Variants in FERMT3 observed in about 807,000 individuals in gnomAD.
FERMT3 encodes FERM domain containing kindlin 3.
FERMT3 carries 33 observed loss-of-function variants against 80.8 expected under a neutral mutation model. The ratio of observed to expected loss-of-function variants is 0.41; its 90% CI spans 0.31 to 0.55. The LOEUF (loss-of-function observed/expected upper bound fraction) is 0.55, where lower values mean the gene tolerates loss of function less well. Ranked by LOEUF, FERMT3 falls within the 20% of genes least tolerant of loss-of-function variation. The pLI is 0.31. For synonymous variants in FERMT3, 375 were observed against 372.2 expected (o/e 1.01, Z -0.09); for missense variants, 754 against 908.7 (o/e 0.83, Z 2.19).
chr11:64,216,339 G>A (rs1389971803), intron 6 of FERMT3, among the ~76,000 whole-genome samples: 1 of 150,912 alleles, frequency 6.6e-6, no homozygotes, highest in Non-Finnish European at 1.5e-5. Context: ...TGGGATTACA[G>A]GCATGCACCA....
intron 2 of FERMT3, among the ~76,000 whole-genome samples, chr11:64,208,652 G>T (rs1565288843): frequency 2.6e-5 from 4 of 152,236 alleles, no homozygotes; most frequent in African/African-American, 7.2e-5. Context: ...GGAGCCAGAG[G>T]AGGGGGCTGC....
At position 64,207,448 on chromosome 11, in the gene FERMT3, G is replaced by A. The variant is rs554032088; in HGVS notation, c.84G>A (p.Glu28=). ...TGTTTGTGGGAGAGGAGGACCCAGA[G>A]GCCGAGTCGGTCACCCTGCGGGTCA... ...LRVFVGEEDP[E]AESVTLRVTG... is the part of the protein sequence containing the mutation. The change falls in exon 2 of 15, where the codon GAG becomes GAA. Residue 28 remains glutamate (E), a synonymous_variant. Coordinates refer to ENST00000345728, the MANE Select transcript of FERMT3 (RefSeq NM_031471.6). 8 of 1,614,164 alleles carry A rather than the reference G, an allele frequency of 5.0e-6. No individual in the cohort carries two copies. The highest frequency in any genetic ancestry group is 2.7e-5 in the African/African-American group (2 of 75,060).
chr11:64,220,236 C>G lies in FERMT3; in HGVS notation c.1221C>G (p.Pro407=). Residue 407 remains proline (P), a synonymous_variant, in exon 11 of 15, where the codon CCC becomes CCG. Transcript: ENST00000345728. ...QLNLKGCEVV[P]DVNVSGQKFC... ...TCCCTCCAGGCTGTGAGGTGGTTCC[C>G]GATGTTAACGTCTCCGGCCAGAAGT... The G allele has an allele frequency of 6.2e-7, 1 of 1,613,912 alleles. No homozygotes were observed. The highest frequency in any genetic ancestry group is 8.5e-7 in the Non-Finnish European group (1 of 1,180,010).
In FERMT3 at chr11:64,210,997, A is replaced by G; in HGVS notation, c.395-55A>G. 7.5e-6 allele frequency: 12 copies of G among 1,608,490 alleles called. No individual in the cohort carries two copies. Among genetic ancestry groups the G allele is most frequent in the African/African-American group, 1.3e-5 (1 of 74,780 alleles). On this transcript the variant is annotated intron_variant, in intron 3 of 14. Transcript: ENST00000345728. This position sits in a 1 kb window ranked among gnomAD's most constrained non-coding sequence, Gnocchi z 4.3. Reference sequence around the variant, plus strand: ...GACCCGCCCCAAGCACCCATGGGTGAGGTGGGGAGGCTGCAGCAGGACCTA... The same window carrying G: ...GACCCGCCCCAAGCACCCATGGGTGGGGTGGGGAGGCTGCAGCAGGACCTA...
chr11:64,219,935 T>G lies in FERMT3; in HGVS notation c.1124T>G (p.Val375Gly), dbSNP rs781707563. Reference protein sequence around the residue: ...TLKGYRQHWVVFKETTLSYYK... With the variant: ...TLKGYRQHWVGFKETTLSYYK... ...AAGGGCTACCGCCAACACTGGGTGG[T>G]GTTCAAGGAGACCACACTGTCCTAC... The change falls in exon 10 of 15, where the codon GTG (valine) becomes GGG (glycine). Residue 375 changes from valine to glycine, a missense_variant. Physicochemically the swap from Val to Gly is moderately radical, Grantham distance 109. Transcript: ENST00000345728. This position sits in a 1 kb window ranked among gnomAD's most constrained non-coding sequence, Gnocchi z 4.0. 3.7e-6 allele frequency: 6 copies of G among 1,613,798 alleles called. No individual in the cohort carries two copies. Among genetic ancestry groups the G allele is most frequent in the Non-Finnish European group, 2.5e-6 (3 of 1,179,970 alleles).
At chr11:64,213,685 G>A (rs182069857) in intron 6 of FERMT3, among the ~76,000 whole-genome samples, 1 of 151,300 alleles carries the variant, frequency 6.6e-6, no homozygotes, top group Admixed American at 6.6e-5. Context: ...AGCCTCCCGA[G>A]TAGCTGGGAT....
chr11:64,212,057 G>C (rs1946454682), intron 6 of FERMT3, among the ~76,000 whole-genome samples: 1 of 152,232 alleles, frequency 6.6e-6, no homozygotes, highest in Non-Finnish European at 1.5e-5. Context: ...CAGTGTGTGT[G>C]TGGGTGCCCC....
At position 64,210,777 on chromosome 11, in the gene FERMT3, A is replaced by G. The variant is rs752844568; in HGVS notation, c.327A>G (p.Ala109=). 1.2e-6 allele frequency: 2 copies of G among 1,614,006 alleles called. No homozygotes were observed. The highest frequency in any genetic ancestry group is 1.1e-5 in the South Asian group (1 of 91,074). ...TCCTTCGGTTGCCCAACCGCCGCGC[A>G]CTGCGCCTCCGTGCCAGCTTCTCCC... ...PVILRLPNRR[A]LRLRASFSQP... The change falls in exon 3 of 15, where the codon GCA becomes GCG. Residue 109 remains alanine (A), a synonymous_variant. Coordinates refer to ENST00000345728, the MANE Select transcript of FERMT3 (RefSeq NM_031471.6). This position sits in a 1 kb window ranked among gnomAD's most constrained non-coding sequence, Gnocchi z 4.3.
rs78038516 is a variant in FERMT3, at chr11:64,210,595, C to G, written c.161-16C>G. On this transcript the variant is annotated splice_polypyrimidine_tract_variant and intron_variant, in intron 2 of 14. Transcript: ENST00000345728. This position sits in a 1 kb window ranked among gnomAD's most constrained non-coding sequence, Gnocchi z 4.3. ...GGGAGGAAGGTTGGACCCAGATGTG[C>G]CCCCGTGCCCCACAGATCGCAAGCA... is the stretch of plus-strand genomic sequence containing the variant. 237,446 of 1,610,436 alleles carry G rather than the reference C, an allele frequency of 0.15. 18,988 individuals carry two copies. The highest frequency in any genetic ancestry group is 0.17 in the Non-Finnish European group (198,048 of 1,176,940).
At chr11:64,217,018 C>G (rs934600079) in intron 6 of FERMT3, among the ~76,000 whole-genome samples, 1 of 152,064 alleles carries the variant, frequency 6.6e-6, no homozygotes, top group African/African-American at 2.4e-5. Context: ...AAAAGTGAAG[C>G]TCTAAGAAAC....
At chr11:64,218,976 C>T (rs1946612296) in intron 6 of FERMT3, among the ~76,000 whole-genome samples, 1 of 152,242 alleles carries the variant, frequency 6.6e-6, no homozygotes, top group African/African-American at 2.4e-5. Context: ...GATTGGTTTA[C>T]TCGGTCTCTC....
In FERMT3 at chr11:64,220,670, G is replaced by A. The variant is rs1395478959; in HGVS notation, c.1545+1G>A. On this transcript the variant is annotated splice_donor_variant, in intron 12 of 14. Coordinates refer to ENST00000345728, the MANE Select transcript of FERMT3 (RefSeq NM_031471.6). LOFTEE classifies it high-confidence loss of function. ...CCAGCGAAAGTTCAAGGCCAAGCAG[G>A]TACCAGAAGGCGTCAGGGTGGGAAT... 6.2e-7 allele frequency: 1 copy of A among 1,609,006 alleles called. No homozygotes were observed.
chr11:64,212,450 C>T (rs1199910409), intron 6 of FERMT3, among the ~76,000 whole-genome samples: 1 of 152,224 alleles, frequency 6.6e-6, no homozygotes, highest in African/African-American at 2.4e-5. Flanking sequence ...CCCTCTCACT[C>T]CTTGGCCATG....
chr11:64,223,136 A>G lies in FERMT3; in HGVS notation c.1759A>G (p.Thr587Ala). The change falls in exon 14 of 15, where the codon ACC becomes GCC. Residue 587 changes from threonine to alanine, a missense_variant. By Grantham distance (58) the Thr-to-Ala change is moderately conservative. Coordinates refer to ENST00000345728, the MANE Select transcript of FERMT3 (RefSeq NM_031471.6). Reference protein sequence around the residue: ...IDLAVGDVVKTWRFSNMRQWN... With the variant: ...IDLAVGDVVKAWRFSNMRQWN... Reference sequence around the variant, plus strand: ...CTTGGCCGTGGGCGACGTGGTCAAGACCTGGCGTTTCAGCAACATGCGCCA... The same window carrying G: ...CTTGGCCGTGGGCGACGTGGTCAAGGCCTGGCGTTTCAGCAACATGCGCCA... 2 of 1,613,934 alleles carry G rather than the reference A, an allele frequency of 1.2e-6. No individual in the cohort carries two copies. The highest frequency in any genetic ancestry group is 1.7e-6 in the Non-Finnish European group (2 of 1,180,048).
Position 64,210,755 on chromosome 11 carries a change from T to A in FERMT3, c.305T>A (p.Leu102His). ...GGGCCCCAGCACCGGCCCGTCATCC[T>A]TCGGTTGCCCAACCGCCGCGCACTG... is the stretch of plus-strand genomic sequence containing the variant. ...FFGPQHRPVILRLPNRRALRL... is the reference protein window; with the variant it reads ...FFGPQHRPVIHRLPNRRALRL... Residue 102 changes from leucine to histidine, a missense_variant, in exon 3 of 15, where the codon CTT becomes CAT. By Grantham distance (99) the Leu-to-His change is moderately conservative. Coordinates refer to ENST00000345728, the MANE Select transcript of FERMT3 (RefSeq NM_031471.6). This position sits in a 1 kb window ranked among gnomAD's most constrained non-coding sequence, Gnocchi z 4.3. The A allele has an allele frequency of 6.2e-7, 1 of 1,614,106 alleles. No individual in the cohort carries two copies. The highest frequency in any genetic ancestry group is 8.5e-7 in the Non-Finnish European group (1 of 1,180,008).
In FERMT3 at chr11:64,223,652, G is replaced by C; in HGVS notation, c.*160G>C. Reference sequence around the variant, plus strand: ...TTGTGCAGGCCAAGGACCTGGCAGGGCCAGACGCTGTACCATCACCCAGGC... The same window carrying C: ...TTGTGCAGGCCAAGGACCTGGCAGGCCCAGACGCTGTACCATCACCCAGGC... On this transcript the variant is annotated 3_prime_UTR_variant, in exon 15 of 15. Transcript: ENST00000345728. 1.1e-6 allele frequency: 1 copy of C among 935,304 alleles called. No homozygotes were observed. Among genetic ancestry groups the C allele is most frequent in the Non-Finnish European group, 1.6e-6 (1 of 613,592 alleles). 57.9% of individuals were successfully genotyped at this position (935,304 alleles called of 1,614,324 possible). A position where few individuals can be genotyped will look rare whatever the true frequency, so the allele number is the denominator to read the frequency against.
At chr11:64,208,899 G>T (rs1340170720) in intron 2 of FERMT3, among the ~76,000 whole-genome samples, 1 of 152,196 alleles carries the variant, frequency 6.6e-6, no homozygotes, top group Non-Finnish European at 1.5e-5. Flanking sequence ...GCCACCGAAG[G>T]GTTCTCAGCA....
Position 64,219,750 on chromosome 11 carries a change from C to T in FERMT3, c.1040C>T (p.Thr347Ile). 1 of 1,613,930 alleles carries T rather than the reference C, an allele frequency of 6.2e-7. No homozygotes were observed. Among genetic ancestry groups the T allele is most frequent in the Non-Finnish European group, 8.5e-7 (1 of 1,179,994 alleles). The change falls in exon 9 of 15, where the codon ACC becomes ATC. Residue 347 changes from threonine (T) to isoleucine (I), a missense_variant. By Grantham distance (89) the Thr-to-Ile change is moderately conservative. Coordinates refer to ENST00000345728, the MANE Select transcript of FERMT3 (RefSeq NM_031471.6). This position sits in a 1 kb window ranked among gnomAD's most constrained non-coding sequence, Gnocchi z 4.0. Reference protein sequence around the residue: ...SAPTDVLDSLTTIPELKDHLR... With the variant: ...SAPTDVLDSLITIPELKDHLR... ...CTGGTCCTCCCATAGGACAGCCTCACCACCATCCCAGAGCTCAAGGACCAT... is the reference window on the plus strand; with the variant it reads ...CTGGTCCTCCCATAGGACAGCCTCATCACCATCCCAGAGCTCAAGGACCAT...
At chr11:64,213,193 A>C (rs1256365425) in intron 6 of FERMT3, among the ~76,000 whole-genome samples, 1 of 151,802 alleles carries the variant, frequency 6.6e-6, no homozygotes, top group Non-Finnish European at 1.5e-5. Flanking sequence ...GGCCTGGCTA[A>C]TTTTTGTATT....
Sources: gnomAD v4.1 joint callset for allele counts (sites outside exome capture counted in the v4.1 genomes callset) on GRCh38, gnomAD v4.1.1 for gene constraint, Gnocchi (gnomAD v3.1) non-coding constraint, MANE v1.5 for transcripts, NCBI Gene and HGNC (gene_info 2026-07-23, HGNC 2026-07-21) for gene names.